The following RBFOX1 variants were observed in gnomAD, a reference collection of about 807,000 sequenced individuals.
RBFOX1 encodes RNA binding fox-1 homolog 1.
A neutral mutation model predicts 57.7 loss-of-function variants in RBFOX1; 8 were observed. The observed-to-expected ratio is 0.14, with a 90% confidence interval of 0.08 to 0.25. The LOEUF (loss-of-function observed/expected upper bound fraction) is 0.25, where lower values mean the gene tolerates loss of function less well. Ranked by LOEUF, RBFOX1 falls within the 10% of genes least tolerant of loss-of-function variation. The probability of loss-of-function intolerance (pLI) is 1.00; values close to 1 mark genes in which losing one functional copy is unlikely to be tolerated. For missense variants in RBFOX1, 611 were observed against 548.5 expected, an observed-to-expected ratio of 1.11 and a Z score of -1.14; for synonymous variants, 326 against 222.4, an observed-to-expected ratio of 1.47 and a Z score of -4.15.
intron 3 of RBFOX1, among the ~76,000 whole-genome samples, chr16:5,863,419 A>G (rs890779705): frequency 6.6e-6 from 1 of 152,124 alleles, no homozygotes; most frequent in Non-Finnish European, 1.5e-5. Context: ...ATGGCTTGAT[A>G]AAAGCCCATG....
intron 4 of RBFOX1, among the ~76,000 whole-genome samples, chr16:7,207,065 A>C (rs531760331): frequency 9.8e-5 from 15 of 152,306 alleles, no homozygotes; most frequent in Non-Finnish European, 7.4e-5. Context: ...AATACCCTAC[A>C]GATGTGTAGG....
chr16:7,105,678 C>A (rs983314698), intron 4 of RBFOX1, among the ~76,000 whole-genome samples: 5 of 151,992 alleles, frequency 3.3e-5, no homozygotes, highest in African/African-American at 1.2e-4. Context: ...TCCATCATAT[C>A]TATCTGTCTA....
chr16:5,750,978 G>C (rs561820575), intron 3 of RBFOX1, among the ~76,000 whole-genome samples: 2 of 152,306 alleles, frequency 1.3e-5, no homozygotes, highest in Admixed American at 1.3e-4. Context: ...GACTGGAGCT[G>C]TTCCTATTCG....
intron 4 of RBFOX1, among the ~76,000 whole-genome samples, chr16:7,471,348 A>G (rs976144377): frequency 5.3e-5 from 8 of 152,040 alleles, no homozygotes; most frequent in Non-Finnish European, 2.9e-5. Context: ...TTGAAGGAAA[A>G]CTGCTGGGCT....
intron 14 of RBFOX1, among the ~76,000 whole-genome samples, chr16:7,680,078 T>G (rs1400011028): frequency 6.6e-6 from 1 of 152,180 alleles, no homozygotes; most frequent in Non-Finnish European, 1.5e-5. Context: ...CCTTTGGTCA[T>G]CCGGTCATTG....
intron 1 of RBFOX1, among the ~76,000 whole-genome samples, chr16:5,256,502 G>A (rs2062594240): frequency 6.6e-6 from 1 of 152,156 alleles, no homozygotes; most frequent in Non-Finnish European, 1.5e-5. Context: ...AGGACTGCTA[G>A]GAAGGCAAGA....
intron 4 of RBFOX1, among the ~76,000 whole-genome samples, chr16:7,056,128 T>G (rs1002664740): frequency 1.3e-5 from 2 of 152,152 alleles, no homozygotes; most frequent in Non-Finnish European, 2.9e-5. Context: ...CATCGTGCAT[T>G]AGTAACCAGC....
At chr16:6,132,154 C>A (rs76806791) in intron 1 of RBFOX1, among the ~76,000 whole-genome samples, 3,115 of 152,326 alleles carry the variant, frequency 0.02, 45 homozygotes, top group Middle Eastern at 0.037. Context: ...TGCCCTGGAA[C>A]CTTTTTCCCC....
chr16:6,317,344 G>A (rs2081234554), intron 2 of RBFOX1, among the ~76,000 whole-genome samples: 1 of 151,960 alleles, frequency 6.6e-6, no homozygotes, highest in Non-Finnish European at 1.5e-5. Context: ...TGTGTTTTTG[G>A]TTTCTTTTTT....
At chr16:6,296,606 G>C (rs2078145150) in intron 1 of RBFOX1, among the ~76,000 whole-genome samples, 1 of 152,068 alleles carries the variant, frequency 6.6e-6, no homozygotes, top group Non-Finnish European at 1.5e-5. Context: ...ATTTTTAGTA[G>C]AGACGCGGTT....
At chr16:6,682,870 T>TTTTAAAAAAAAAAAAAAAAAAA (rs71406393) in intron 3 of RBFOX1, among the ~76,000 whole-genome samples, 1 of 115,818 alleles carries the variant, frequency 8.6e-6, no homozygotes. Context: ...AGAAAAGAAT[T>TTTTAAAAAAAAAAAAAAAAAAA]AAAAAAAAAA....
At chr16:7,692,793 T>C (rs1222814325) in intron 14 of RBFOX1, among the ~76,000 whole-genome samples, 1 of 152,178 alleles carries the variant, frequency 6.6e-6, no homozygotes, top group African/African-American at 2.4e-5. Flanking sequence ...ACAAGTTCTC[T>C]TAGCTCTATG....
chr16:5,540,401 C>T (rs1449462393), intron 2 of RBFOX1, among the ~76,000 whole-genome samples: 1 of 152,176 alleles, frequency 6.6e-6, no homozygotes, highest in Non-Finnish European at 1.5e-5. Context: ...ACTTACTTGA[C>T]CACAGAATTT....
At chr16:5,967,751 A>G (rs1256274664) in intron 4 of RBFOX1, among the ~76,000 whole-genome samples, 1 of 152,188 alleles carries the variant, frequency 6.6e-6, no homozygotes, top group Non-Finnish European at 1.5e-5. Flanking sequence ...TTCCCAAATT[A>G]TGTGATTGCT....
rs949154348 is a variant in RBFOX1 at position 7,217,906 on chromosome 16, A to ATG, written c.27+165819_27+165820dup. Among the ~76,000 whole-genome samples, 28 of 60,972 alleles carry ATG rather than the reference A, an allele frequency of 4.6e-4. No homozygotes were observed. In the East Asian group the frequency reaches 8.3e-3, roughly 18 times the overall value. 40.0% of individuals were successfully genotyped at this position (60,972 alleles called of 152,430 possible). ...TGTGTGTGCATGCGTATGTGTGTGC[A>ATG]TGTGTGTGTGTGAGTGTAGGTGTGT... On this transcript the variant is annotated intron_variant, in intron 4 of 15. Coordinates refer to ENST00000550418, the MANE Select transcript of RBFOX1 (RefSeq NM_018723.4).
rs1472596660 is a variant in RBFOX1, at chr16:5,947,849, C to G, written c.351+80514C>G. On this transcript the variant is annotated intron_variant, in intron 4 of 19. Coordinates refer to the RBFOX1 transcript ENST00000641259. The surrounding 1 kb of genome is among the most constrained non-coding windows in gnomAD (Gnocchi z 7.2). ...TGCTTTTTAAATTTGCTAAAAGTAC[C>G]TGTTGTAATTACCGGGCCACCCGTA... Among the ~76,000 whole-genome samples, 1 of 152,120 alleles carries G rather than the reference C, an allele frequency of 6.6e-6. No homozygotes were observed. The highest frequency in any genetic ancestry group is 2.4e-5 in the African/African-American group (1 of 41,396).
chr16:6,637,208 A>C (rs1163188455), intron 2 of RBFOX1, among the ~76,000 whole-genome samples: 2 of 59,274 alleles, frequency 3.4e-5, no homozygotes, highest in African/African-American at 1.6e-4. Context: ...TATATATTAT[A>C]TATATTATAT....
At chr16:7,327,388 A>C (rs1215798919) in intron 4 of RBFOX1, among the ~76,000 whole-genome samples, 1 of 152,216 alleles carries the variant, frequency 6.6e-6, no homozygotes, top group African/African-American at 2.4e-5. Flanking sequence ...AATATTATGA[A>C]GGGCCTCAGA....
chr16:5,859,146 A>G (rs2057146503), intron 3 of RBFOX1, among the ~76,000 whole-genome samples: 1 of 152,144 alleles, frequency 6.6e-6, no homozygotes, highest in Admixed American at 6.5e-5. Flanking sequence ...TGGAGGTTAC[A>G]GTGAGCCGAG....
Sources: allele counts gnomAD v4.1 joint callset (sites outside exome capture counted in the v4.1 genomes callset), GRCh38; gene constraint gnomAD v4.1.1; non-coding constraint Gnocchi (gnomAD v3.1); transcripts MANE v1.5; gene names NCBI Gene and HGNC (gene_info 2026-07-23, HGNC 2026-07-21).